The following AHCY variants were observed in gnomAD, a reference collection of about 807,000 sequenced individuals.
AHCY encodes S-adenosyl-L-homocysteine hydrolase.
Under a neutral mutation model 45.4 loss-of-function variants are expected in AHCY, and 24 were observed. That is an observed-to-expected ratio of 0.53 (90% CI 0.38 to 0.74). AHCY has a LOEUF of 0.74. Ranked by LOEUF, AHCY falls within the 30% of genes least tolerant of loss-of-function variation. The pLI is 0.00. For synonymous variants in AHCY, 245 were observed against 235.1 expected, an observed-to-expected ratio of 1.04 and a Z score of -0.39; for missense variants, 449 against 594.1, an observed-to-expected ratio of 0.76 and a Z score of 2.54.
chr20:34,303,234 G>C lies in AHCY; in HGVS notation c.28+9C>G, dbSNP rs1183907614. The C allele has an allele frequency of 1.3e-6, 2 of 1,551,464 alleles. No homozygotes were observed. The highest frequency in any genetic ancestry group is 1.7e-6 in the Non-Finnish European group (2 of 1,146,904). ...GCGGCCGCAACCGGCTGCAGGTCCT[G>C]GGACTCACCGACTTTGTAGGGCAGT... On this transcript the variant is annotated intron_variant, in intron 1 of 9. Transcript: ENST00000217426.
At chr20:34,277,034 G>A (rs1366771936), downstream of AHCY, among the ~76,000 whole-genome samples, 4 of 152,020 alleles carry the variant, frequency 2.6e-5, no homozygotes, top group Admixed American at 6.6e-5. Context: ...AACAGTCCCC[G>A]TGATCCGGCT....
rs199616559 is a variant in AHCY at position 34,292,398 on chromosome 20, G to A, written c.405C>T (p.Leu135=). The part of the protein sequence containing the change: ...LNMILDDGGD[L]TNLIHTKYPQ... ...GGTACTTGGTGTGGATGAGGTTGGT[G>A]AGGTCGCCCCCGTCGTCCAGAATCA... The change falls in exon 4 of 10, where the codon CTC becomes CTT. Residue 135 remains leucine, a synonymous_variant. Transcript: ENST00000217426. 4 of 1,613,672 alleles carry A rather than the reference G, an allele frequency of 2.5e-6. No homozygotes were observed. The African/African-American group carries it at 4.0e-5, about 16-fold the overall frequency.
At chr20:34,307,674 C>G (rs762059986), upstream of AHCY, among the ~76,000 whole-genome samples, 2 of 152,190 alleles carry the variant, frequency 1.3e-5, no homozygotes, top group Non-Finnish European at 2.9e-5. Context: ...GCCCAGCCCC[C>G]TGTGTTTTCT....
chr20:34,297,722 T>A (rs2036620934), intron 1 of AHCY, among the ~76,000 whole-genome samples: 2 of 152,196 alleles, frequency 1.3e-5, no homozygotes, highest in Admixed American at 1.3e-4. Flanking sequence ...CCCCATTGAA[T>A]GACAATCTCA....
chr20:34,266,279 G>A, the AHCY span, among the ~76,000 whole-genome samples: 1 of 152,030 alleles, frequency 6.6e-6, no homozygotes, highest in African/African-American at 2.4e-5. Context: ...GTGAACCCGG[G>A]AGGCAGAGTA....
Position 34,292,383 on chromosome 20 carries a change from G to A in AHCY, c.420C>T (p.His140=), listed in dbSNP as rs750090362. The A allele has an allele frequency of 3.1e-6, 5 of 1,613,546 alleles. No individual in the cohort carries two copies. The highest frequency in any genetic ancestry group is 4.2e-6 in the Non-Finnish European group (5 of 1,180,036). Residue 140 remains histidine, a synonymous_variant, in exon 4 of 10, where the codon CAC becomes CAT. Coordinates refer to ENST00000217426, the MANE Select transcript of AHCY (RefSeq NM_000687.4). ...CTGGCAGAAGCTGCGGGTACTTGGT[G>A]TGGATGAGGTTGGTGAGGTCGCCCC... The part of the protein sequence containing the change: ...DDGGDLTNLI[H]TKYPQLLPGI...
At chr20:34,253,726 T>C in the AHCY span, among the ~76,000 whole-genome samples, 35,517 of 151,750 alleles carry the variant, frequency 0.23, 7,143 homozygotes, top group African/African-American at 0.55. Flanking sequence ...CCACCTCAGC[T>C]TCCCAAAGTG....
intron 1 of AHCY, among the ~76,000 whole-genome samples, chr20:34,300,217 C>T (rs2036724407): frequency 6.6e-6 from 1 of 152,090 alleles, no homozygotes; most frequent in Non-Finnish European, 1.5e-5. Context: ...TACACTGCCA[C>T]TTCTCAGTTG....
At chr20:34,284,244 C>T (rs2122724063) in intron 9 of AHCY, among the ~76,000 whole-genome samples, 1 of 152,242 alleles carries the variant, frequency 6.6e-6, no homozygotes, top group South Asian at 2.1e-4. Flanking sequence ...ACTGCAACCT[C>T]CACCTCCTGG....
intron 4 of AHCY, 40 bp from the exon 5 acceptor site, chr20:34,291,571 AC>A: frequency 6.5e-7 from 1 of 1,549,660 alleles, no homozygotes; most frequent in East Asian, 2.2e-5. Flanking sequence ...GAGATGCCAC[AC>A]CTGTGCTCAT....
chr20:34,258,700 A>ATATATACACACATAC, the AHCY span, among the ~76,000 whole-genome samples: 15 of 77,918 alleles, frequency 1.9e-4, 3 homozygotes, highest in Non-Finnish European at 3.6e-4. Context: ...TACATACTAT[A>ATATATACACACATAC]TATATATATT....
the AHCY span, among the ~76,000 whole-genome samples, chr20:34,245,002 C>CATAA: frequency 6.6e-6 from 1 of 152,084 alleles, no homozygotes; most frequent in African/African-American, 2.4e-5. Flanking sequence ...AAATGCTCCA[C>CATAA]ATAAAAAGTC....
the AHCY span, among the ~76,000 whole-genome samples, chr20:34,245,315 C>T: frequency 4.6e-5 from 6 of 130,092 alleles, no homozygotes; most frequent in Admixed American, 4.9e-4. Context: ...GCCTGGGCGA[C>T]AGTGTGAGAC....
chr20:34,300,988 A>G (rs2036750591), intron 1 of AHCY, among the ~76,000 whole-genome samples: 1 of 152,192 alleles, frequency 6.6e-6, no homozygotes, highest in Admixed American at 6.5e-5. Context: ...GGGGTCAGCA[A>G]CTGTTTACCG....
chr20:34,303,546 C>T (rs1035803685), upstream of AHCY, among the ~76,000 whole-genome samples: 1 of 152,222 alleles, frequency 6.6e-6, no homozygotes, highest in Non-Finnish European at 1.5e-5. Flanking sequence ...CGGGAGAGGC[C>T]TGAGAGCCAG....
intron 1 of AHCY, among the ~76,000 whole-genome samples, chr20:34,310,059 GA>G (rs896901076): frequency 6.6e-6 from 1 of 151,598 alleles, no homozygotes; most frequent in Non-Finnish European, 1.5e-5. Flanking sequence ...ATTGAATGAT[GA>G]ATTTTTTTTT....
At chr20:34,259,148 T>A in the AHCY span, among the ~76,000 whole-genome samples, 23 of 151,844 alleles carry the variant, frequency 1.5e-4, no homozygotes, top group Non-Finnish European at 2.8e-4. Context: ...AGGTTGAGAC[T>A]GCAGTGGCCC....
the AHCY span, among the ~76,000 whole-genome samples, chr20:34,239,416 C>T: frequency 6.6e-6 from 1 of 152,136 alleles, no homozygotes; most frequent in African/African-American, 2.4e-5. Flanking sequence ...GGGGTATCAC[C>T]ATGTTGGCCA....
At chr20:34,275,244 T>A in the AHCY span, among the ~76,000 whole-genome samples, 1 of 150,384 alleles carries the variant, frequency 6.6e-6, no homozygotes, top group East Asian at 2.1e-4. Flanking sequence ...GCGATTCTCC[T>A]ACCTCACCCT....
Sources: allele counts gnomAD v4.1 joint callset (sites outside exome capture counted in the v4.1 genomes callset), GRCh38; gene constraint gnomAD v4.1.1; transcripts MANE v1.5; gene names NCBI Gene and HGNC (gene_info 2026-07-23, HGNC 2026-07-21).